The following SHTN1 variants were observed in gnomAD, a reference collection of about 807,000 sequenced individuals.
The protein encoded by SHTN1 is shootin-1.
SHTN1 carries 42 observed loss-of-function variants against 83.1 expected under a neutral mutation model. That is an observed-to-expected ratio of 0.51 (90% CI 0.39 to 0.65). SHTN1 has a LOEUF of 0.65. Among genes scored for constraint, SHTN1 ranks in the 30% least tolerant of loss-of-function variants. SHTN1 has a pLI of 0.00. For missense variants in SHTN1, 622 were observed against 737.8 expected (o/e 0.84, Z 1.82); for synonymous variants, 224 against 247.7 (o/e 0.90, Z 0.90).
intron 1 of SHTN1, among the ~76,000 whole-genome samples, chr10:117,103,738 G>C (rs1037923561): frequency 6.6e-6 from 1 of 151,038 alleles, no homozygotes; most frequent in Non-Finnish European, 1.5e-5. Context: ...GGGTTTCACT[G>C]TGTTAGCCAG....
chr10:117,079,176 C>A, intron 1 of SHTN1, among the ~76,000 whole-genome samples: 1 of 101,702 alleles, frequency 9.8e-6, no homozygotes, highest in South Asian at 4.4e-4. Flanking sequence ...CCAATGCTAT[C>A]CCTCCCCCCC....
chr10:116,947,700 T>A (rs946394685), intron 7 of SHTN1, among the ~76,000 whole-genome samples: 6 of 152,192 alleles, frequency 3.9e-5, no homozygotes, highest in African/African-American at 1.4e-4. Context: ...CCCTTCTGAC[T>A]TGGAATCTGA....
intron 2 of SHTN1, among the ~76,000 whole-genome samples, chr10:117,028,178 G>C (rs560252775): frequency 6.6e-6 from 1 of 152,264 alleles, no homozygotes; most frequent in South Asian, 2.1e-4. Flanking sequence ...GAACTTGAGA[G>C]TGATGATTTG....
Position 116,881,770 on chromosome 10 carries a change from T to G in SHTN1, c.*4574A>C. The stretch of plus-strand genomic sequence containing the variant: ...TCCACATGGAGTTTCCTCTTCAACT[T>G]CACCAACTCTTGTGGTTTTTATTCT... On this transcript the variant is annotated 3_prime_UTR_variant, in exon 17 of 17. Coordinates refer to ENST00000355371, the MANE Select transcript of SHTN1 (RefSeq NM_001127211.3). 1.2e-6 allele frequency: 1 copy of G among 863,504 alleles called. No individual in the cohort carries two copies. The highest frequency in any genetic ancestry group is 1.6e-6 in the Non-Finnish European group (1 of 623,230). 53.5% of individuals were successfully genotyped at this position (863,504 alleles called of 1,614,324 possible). A position where few individuals can be genotyped will look rare whatever the true frequency, so the allele number is the denominator to read the frequency against.
intron 1 of SHTN1, among the ~76,000 whole-genome samples, chr10:117,110,470 G>C (rs908065697): frequency 6.6e-6 from 1 of 151,990 alleles, no homozygotes; most frequent in African/African-American, 2.4e-5. Flanking sequence ...TCCTGCCTCA[G>C]TCTCCTGAGT....
rs1229849687 is a variant in SHTN1, at chr10:116,954,293, AT to A, written c.268-84del. ...TTTAAACAATAGACAAATTAAGTAT[AT>A]TTTTGTCTTACATATTCATCAACAC... On this transcript the variant is annotated intron_variant, in intron 4 of 16. Coordinates refer to ENST00000355371, the MANE Select transcript of SHTN1 (RefSeq NM_001127211.3). 18 of 902,524 alleles carry A rather than the reference AT, an allele frequency of 2.0e-5. No individual in the cohort carries two copies. The African/African-American group carries it at 2.4e-4, about 12-fold the overall frequency. 55.9% of individuals were successfully genotyped at this position (902,524 alleles called of 1,614,324 possible). A position where few individuals can be genotyped will look rare whatever the true frequency, so the allele number is the denominator to read the frequency against.
chr10:117,069,809 A>G (rs1177556234), intron 1 of SHTN1, among the ~76,000 whole-genome samples: 2 of 152,196 alleles, frequency 1.3e-5, no homozygotes, highest in Non-Finnish European at 2.9e-5. Context: ...TGGATGAGAC[A>G]GTGATTTATT....
intron 16 of SHTN1, chr10:116,900,993 A>T: frequency 1.0e-6 from 1 of 985,428 alleles, no homozygotes; most frequent in South Asian, 4.7e-5. Flanking sequence ...TAGAGTTACA[A>T]AAAAGGGGTT....
At chr10:117,100,473 T>A (rs896047373) in intron 1 of SHTN1, among the ~76,000 whole-genome samples, 9 of 152,232 alleles carry the variant, frequency 5.9e-5, no homozygotes, top group Non-Finnish European at 1.2e-4. Context: ...TTCTTGCCAT[T>A]CCTTTCTTTT....
intron 1 of SHTN1, among the ~76,000 whole-genome samples, chr10:117,084,711 G>A (rs141293680): frequency 3.9e-5 from 6 of 152,216 alleles, no homozygotes; most frequent in South Asian, 4.1e-4. Context: ...AGGACCCTCC[G>A]AGCCAGGTGC....
At chr10:117,019,060 T>G (rs1256234427) in intron 2 of SHTN1, among the ~76,000 whole-genome samples, 1 of 152,194 alleles carries the variant, frequency 6.6e-6, no homozygotes, top group African/African-American at 2.4e-5. Context: ...ATGGACTTAC[T>G]AAAGTCACAG....
At chr10:117,119,786 C>T (rs1387267908) in intron 1 of SHTN1, among the ~76,000 whole-genome samples, 1 of 151,394 alleles carries the variant, frequency 6.6e-6, no homozygotes, top group Non-Finnish European at 1.5e-5. Flanking sequence ...AAGCGTCTAT[C>T]GACAGATGAA....
At chr10:116,950,794 A>G (rs968777730) in intron 6 of SHTN1, among the ~76,000 whole-genome samples, 5 of 152,092 alleles carry the variant, frequency 3.3e-5, no homozygotes, top group Non-Finnish European at 7.4e-5. Context: ...ATTCGTTACA[A>G]TGTTTTGCCA....
At chr10:117,124,718 G>A (rs1853978277) in intron 1 of SHTN1, among the ~76,000 whole-genome samples, 1 of 151,890 alleles carries the variant, frequency 6.6e-6, no homozygotes, top group African/African-American at 2.4e-5. Flanking sequence ...AGGTTGCAGT[G>A]AGCTGAGATC....
intron 9 of SHTN1, among the ~76,000 whole-genome samples, chr10:116,930,619 T>C (rs1272324452): frequency 6.6e-6 from 1 of 152,208 alleles, no homozygotes; most frequent in Non-Finnish European, 1.5e-5. Flanking sequence ...ATTTTCTTTA[T>C]CCAGTCTACC....
At chr10:116,887,490 G>A (rs189069531) in intron 16 of SHTN1, among the ~76,000 whole-genome samples, 6 of 152,140 alleles carry the variant, frequency 3.9e-5, no homozygotes, top group East Asian at 3.9e-4. Context: ...ACCATGACCC[G>A]GCACACCACC....
intron 3 of SHTN1, among the ~76,000 whole-genome samples, chr10:116,963,199 G>C (rs1308548880): frequency 1.3e-5 from 2 of 149,380 alleles, no homozygotes; most frequent in African/African-American, 4.9e-5. Flanking sequence ...AGCCTCCCGA[G>C]TAGCTGGGAC....
At chr10:117,067,112 G>C (rs1853013167) in intron 1 of SHTN1, among the ~76,000 whole-genome samples, 1 of 152,364 alleles carries the variant, frequency 6.6e-6, no homozygotes, top group Middle Eastern at 3.4e-3. Context: ...TGAGGAGAAA[G>C]AGTGTGGAAC....
At chr10:117,005,569 G>C (rs1052527811), upstream of SHTN1, 4 of 997,538 alleles carry the variant, frequency 4.0e-6, no homozygotes, top group Non-Finnish European at 1.2e-6. Flanking sequence ...AGGTAGAGCG[G>C]GACGCAATGA....
Sources: gnomAD v4.1 joint callset for allele counts (sites outside exome capture counted in the v4.1 genomes callset) on GRCh38, gnomAD v4.1.1 for gene constraint, MANE v1.5 for transcripts, NCBI Gene and HGNC (gene_info 2026-07-23, HGNC 2026-07-21) for gene names.